The following MYH9 variants were observed in gnomAD, a reference collection of about 807,000 sequenced individuals.
MYH9 encodes the protein myosin-9.
MYH9 carries 29 observed loss-of-function variants against 241.9 expected under a neutral mutation model. The ratio of observed to expected loss-of-function variants is 0.12; its 90% CI spans 0.09 to 0.16. The LOEUF is 0.16. MYH9 is among the 10% of genes least tolerant of loss of function. MYH9 has a pLI of 1.00. For synonymous variants in MYH9, 1,047 were observed against 1,062.6 expected (o/e 0.99, Z 0.29); for missense variants, 1,803 against 2,595.5 (o/e 0.69, Z 6.63).
In MYH9 at chr22:36,308,977, C is replaced by T. The variant is rs886445558; in HGVS notation, c.1843+305G>A. On this transcript the variant is annotated intron_variant, in intron 15 of 40. Transcript: ENST00000216181. Reference sequence around the variant, plus strand: ...CAACCAGCCTACCAAGGAGTAGAGGCGGGAATGCAACATGGCGCGGGGCTG... The same window carrying T: ...CAACCAGCCTACCAAGGAGTAGAGGTGGGAATGCAACATGGCGCGGGGCTG... 21 of 580,854 alleles carry T rather than the reference C, an allele frequency of 3.6e-5. No homozygotes were observed. The East Asian group carries it at 1.1e-3, about 31-fold the overall frequency. The allele number at this position is 580,854 out of a possible 1,614,324, so 36.0% of individuals were successfully genotyped here. A position where few individuals can be genotyped will look rare whatever the true frequency, so the allele number is the denominator to read the frequency against.
intron 10 of MYH9, among the ~76,000 whole-genome samples, chr22:36,319,008 C>T (rs546455832): frequency 3.4e-4 from 52 of 152,156 alleles, no homozygotes; most frequent in Admixed American, 9.8e-4. Flanking sequence ...GTGATCTGCC[C>T]GCCTCAGCCT....
intron 1 of MYH9, among the ~76,000 whole-genome samples, chr22:36,382,802 C>CAAAT (rs1327307213): frequency 2.8e-4 from 43 of 152,028 alleles, no homozygotes; most frequent in Middle Eastern, 3.4e-3. Context: ...GACCCCATCT[C>CAAAT]AAATAAAGAA....
chr22:36,311,944 A>G, intron 14 of MYH9, 105 bp downstream of exon 14: 1 of 1,379,558 alleles, frequency 7.2e-7, no homozygotes, highest in Non-Finnish European at 1.0e-6. Context: ...TACTCAGGTC[A>G]CACCCCTGCG....
At chr22:36,381,516 A>C (rs1360828380) in intron 1 of MYH9, among the ~76,000 whole-genome samples, 3 of 106,280 alleles carry the variant, frequency 2.8e-5, no homozygotes, top group African/African-American at 4.5e-5. Context: ...ACTCCATCTC[A>C]AAAAAAAAAA....
chr22:36,303,708 G>A (rs908001629), intron 19 of MYH9, among the ~76,000 whole-genome samples: 3 of 150,828 alleles, frequency 2.0e-5, no homozygotes, highest in Admixed American at 6.6e-5. Context: ...TCACTTGAAC[G>A]TGGGAGGTGG....
chr22:36,333,161 G>A (rs1603483705), intron 3 of MYH9, among the ~76,000 whole-genome samples: 1 of 152,338 alleles, frequency 6.6e-6, no homozygotes, highest in Non-Finnish European at 1.5e-5. Context: ...GCTCCCTGTT[G>A]GAGCACAAAC....
chr22:36,363,296 G>C (rs543069344), intron 1 of MYH9, among the ~76,000 whole-genome samples: 3 of 152,290 alleles, frequency 2.0e-5, no homozygotes, highest in African/African-American at 7.2e-5. Flanking sequence ...CTAGAGGCAG[G>C]AACTGTCTCC....
At chr22:36,380,634 G>A (rs1004976257) in intron 1 of MYH9, among the ~76,000 whole-genome samples, 1 of 152,090 alleles carries the variant, frequency 6.6e-6, no homozygotes, top group Non-Finnish European at 1.5e-5. Flanking sequence ...CCAGCTACTC[G>A]GGAGGCTGAG....
At chr22:36,299,096 G>T (rs2016834278) in intron 23 of MYH9, 54 bp from the exon 24 acceptor site, 12 of 1,611,344 alleles carry the variant, frequency 7.4e-6, no homozygotes, top group Non-Finnish European at 8.5e-7. Flanking sequence ...CAGAACACTT[G>T]CTAGCCTCAA....
intron 24 of MYH9, among the ~76,000 whole-genome samples, chr22:36,297,862 G>A (rs997666106): frequency 3.9e-5 from 6 of 152,302 alleles, no homozygotes; most frequent in South Asian, 2.1e-4. Context: ...TAGGACTGCC[G>A]GATCGTTCTC....
chr22:36,296,963 C>A lies in MYH9; in HGVS notation c.3152G>T (p.Arg1051Leu). Residue 1051 changes from arginine to leucine, a missense_variant, in exon 25 of 41, where the codon CGG becomes CTG. Arg to Leu is a moderately radical substitution (Grantham distance 102). Coordinates refer to ENST00000216181, the MANE Select transcript of MYH9 (RefSeq NM_002473.6). Reference protein sequence around the residue: ...KQRQELEKTRRKLEGDSTDLS... With the variant: ...KQRQELEKTRLKLEGDSTDLS... ...GTCTGTGGAGTCTCCCTCCAGCTTC[C>A]GGCGGGTCTTCTCCAGCTCCTGTCG... 1 of 1,614,180 alleles carries A rather than the reference C, an allele frequency of 6.2e-7. No homozygotes were observed. Among genetic ancestry groups the A allele is most frequent in the Non-Finnish European group, 8.5e-7 (1 of 1,180,028 alleles).
At chr22:36,360,980 A>AT (rs1374070650) in intron 1 of MYH9, among the ~76,000 whole-genome samples, 1 of 152,164 alleles carries the variant, frequency 6.6e-6, no homozygotes, top group Non-Finnish European at 1.5e-5. Flanking sequence ...TCTCTGCAAT[A>AT]CACACCAGGG....
chr22:36,313,816 C>T (rs960446807), intron 13 of MYH9, among the ~76,000 whole-genome samples: 20 of 152,262 alleles, frequency 1.3e-4, no homozygotes, highest in Admixed American at 1.3e-3. Flanking sequence ...CAAAGAAATG[C>T]TTATCGAGCC....
chr22:36,348,782 A>G, intron 2 of MYH9, 122 bp downstream of exon 2: 1 of 929,562 alleles, frequency 1.1e-6, no homozygotes. Flanking sequence ...GCACTCCTTC[A>G]AGCCCCCTTC....
chr22:36,293,398 C>T lies in MYH9; in HGVS notation c.4026G>A (p.Arg1342=), dbSNP rs752488155. 6.2e-7 allele frequency: 1 copy of T among 1,614,018 alleles called. No homozygotes were observed. Among genetic ancestry groups the T allele is most frequent in the Non-Finnish European group, 8.5e-7 (1 of 1,180,026 alleles). The change falls in exon 30 of 41, where the codon CGG becomes CGA. Residue 1342 remains arginine (R), a synonymous_variant. Coordinates refer to ENST00000216181, the MANE Select transcript of MYH9 (RefSeq NM_002473.6). This position sits in a 1 kb window ranked among gnomAD's most constrained non-coding sequence, Gnocchi z 5.1. ...KQVEDEKNSF[R]EQLEEEEEAK... is the part of the protein sequence containing the mutation. ...CCTCCTCCTCCTCCTCCAGCTGCTC[C>T]CGGAAGGAATTCTTCTCGTCCTCCA... is the stretch of plus-strand genomic sequence containing the variant.
At chr22:36,382,304 A>G (rs6000265) in intron 1 of MYH9, among the ~76,000 whole-genome samples, 20,960 of 151,148 alleles carry the variant, frequency 0.14, 1,843 homozygotes, top group African/African-American at 0.25. Flanking sequence ...GTGAAACCCC[A>G]TTTCTATTAA....
chr22:36,355,316 G>A (rs994975351), intron 1 of MYH9, among the ~76,000 whole-genome samples: 1 of 152,132 alleles, frequency 6.6e-6, no homozygotes, highest in Non-Finnish European at 1.5e-5. Flanking sequence ...AAAATGTAAT[G>A]CCTCAATTAT....
chr22:36,348,867 CAGA>C, intron 2 of MYH9, 34 bp downstream of exon 2: 2 of 1,384,496 alleles, frequency 1.4e-6, no homozygotes, highest in East Asian at 3.9e-5. Flanking sequence ...TCGGAGCCCT[CAGA>C]CCCAGCCTGC....
chr22:36,310,393 CCT>C (rs1382413913), intron 14 of MYH9, among the ~76,000 whole-genome samples: 8 of 152,176 alleles, frequency 5.3e-5, no homozygotes, highest in Admixed American at 5.2e-4. Flanking sequence ...GGCATGAGCC[CCT>C]GTGCTCTGCT....
Sources: allele counts gnomAD v4.1 joint callset (sites outside exome capture counted in the v4.1 genomes callset), GRCh38; gene constraint gnomAD v4.1.1; non-coding constraint Gnocchi (gnomAD v3.1); transcripts MANE v1.5; gene names NCBI Gene and HGNC (gene_info 2026-07-23, HGNC 2026-07-21).